SAMMSON: variants seen among roughly 807,000 people sequenced by gnomAD.
The protein encoded by SAMMSON is survival associated mitochondrial melanoma specific oncogenic non-coding RNA.
intron 7 of SAMMSON, among the ~76,000 whole-genome samples, chr3:70,322,679 A>C (rs565658806): frequency 6.6e-6 from 1 of 152,268 alleles, no homozygotes; most frequent in African/African-American, 2.4e-5. Flanking sequence ...CCAAAAAGAA[A>C]TTCTAACATT....
At chr3:70,326,187 C>A (rs1464173693) in intron 7 of SAMMSON, among the ~76,000 whole-genome samples, 2 of 151,964 alleles carry the variant, frequency 1.3e-5, no homozygotes, top group Non-Finnish European at 2.9e-5. Flanking sequence ...TTCTGCCATT[C>A]TTTCTGTCTT....
intron 3 of SAMMSON, among the ~76,000 whole-genome samples, chr3:70,036,672 C>T (rs905659822): frequency 3.3e-5 from 5 of 152,078 alleles, no homozygotes; most frequent in Non-Finnish European, 1.5e-5. Flanking sequence ...ATAATGAATT[C>T]AACCCATAGA....
chr3:70,015,783 A>T (rs1023601459), intron 3 of SAMMSON, among the ~76,000 whole-genome samples: 1 of 152,028 alleles, frequency 6.6e-6, no homozygotes. Flanking sequence ...CTCATTGTTC[A>T]ATTCCCACCT....
intron 1 of SAMMSON, among the ~76,000 whole-genome samples, chr3:70,007,455 A>G (rs1005205721): frequency 2.6e-5 from 4 of 152,064 alleles, no homozygotes; most frequent in African/African-American, 9.7e-5. Flanking sequence ...TCTTTTGAGA[A>G]GTGTCTGTTC....
chr3:70,166,400 G>A (rs1276752690), intron 4 of SAMMSON, among the ~76,000 whole-genome samples: 1 of 151,980 alleles, frequency 6.6e-6, no homozygotes, highest in Non-Finnish European at 1.5e-5. Flanking sequence ...TTACCCCTGG[G>A]CAATTTTGCT....
At chr3:70,320,342 C>T (rs374613400) in intron 7 of SAMMSON, among the ~76,000 whole-genome samples, 1 of 151,922 alleles carries the variant, frequency 6.6e-6, no homozygotes, top group African/African-American at 2.4e-5. Flanking sequence ...TACCCAGGAG[C>T]AAAGCAAGGG....
At chr3:70,029,224 C>A (rs1392306381) in intron 3 of SAMMSON, among the ~76,000 whole-genome samples, 1 of 143,580 alleles carries the variant, frequency 7.0e-6, no homozygotes, top group Non-Finnish European at 1.5e-5. Context: ...TTCTTTTCAG[C>A]CAGACACATA....
chr3:70,025,659 C>T (rs899580983), intron 3 of SAMMSON, among the ~76,000 whole-genome samples: 4 of 152,152 alleles, frequency 2.6e-5, no homozygotes, highest in African/African-American at 9.7e-5. Flanking sequence ...GAGTTTGGGG[C>T]ACCAATCCCA....
At chr3:70,126,157 T>A in intron 4 of SAMMSON, 1 of 1,226,838 alleles carries the variant, frequency 8.2e-7, no homozygotes, top group Non-Finnish European at 1.2e-6. Flanking sequence ...GAGGCATGAA[T>A]TAAGAAAAGT....
chr3:70,111,166 GGT>G (rs2067387265), intron 4 of SAMMSON, among the ~76,000 whole-genome samples: 1 of 152,128 alleles, frequency 6.6e-6, no homozygotes, highest in African/African-American at 2.4e-5. Flanking sequence ...ATAATGACAT[GGT>G]GTTGGGATGT....
In SAMMSON at chr3:70,280,546, T is replaced by C. The variant is rs571675616; in HGVS notation, n.675-10633T>C. Among the ~76,000 whole-genome samples, 3 of 152,240 alleles carry C rather than the reference T, an allele frequency of 2.0e-5. 1 individual carries two copies. The highest frequency in any genetic ancestry group is 7.2e-5 in the African/African-American group (3 of 41,544). ...AGCATTATCTCTACTTTTGCCTGTATTGAATGTTGGGACTCAGAAAACGAT... is the reference window on the plus strand; with the variant it reads ...AGCATTATCTCTACTTTTGCCTGTACTGAATGTTGGGACTCAGAAAACGAT... On this transcript the variant is annotated intron_variant and non_coding_transcript_variant, in intron 6 of 9. Transcript: ENST00000642114.
At chr3:70,036,324 G>C (rs988860413) in intron 3 of SAMMSON, among the ~76,000 whole-genome samples, 1 of 152,178 alleles carries the variant, frequency 6.6e-6, no homozygotes, top group East Asian at 1.9e-4. Flanking sequence ...ATTTCTTGGC[G>C]ACCCAACATC....
chr3:70,141,183 A>G (rs2067526259), intron 4 of SAMMSON, among the ~76,000 whole-genome samples: 1 of 152,186 alleles, frequency 6.6e-6, no homozygotes, highest in Non-Finnish European at 1.5e-5. Flanking sequence ...CCAGAGAAAA[A>G]GAACTAATAA....
intron 3 of SAMMSON, among the ~76,000 whole-genome samples, chr3:70,028,575 A>G (rs1335275739): frequency 6.6e-6 from 1 of 152,208 alleles, no homozygotes; most frequent in African/African-American, 2.4e-5. Flanking sequence ...AGTTGGAAAA[A>G]AATCCCTAAA....
intron 4 of SAMMSON, among the ~76,000 whole-genome samples, chr3:70,201,667 T>A (rs1251092015): frequency 6.6e-6 from 1 of 152,054 alleles, no homozygotes; most frequent in Non-Finnish European, 1.5e-5. Context: ...TCCTCCACAG[T>A]TTTTAACTAG....
At chr3:70,269,363 GGA>G (rs1701953116) in intron 6 of SAMMSON, among the ~76,000 whole-genome samples, 6 of 152,122 alleles carry the variant, frequency 3.9e-5, no homozygotes, top group Non-Finnish European at 8.8e-5. Flanking sequence ...TAACCTGTCT[GGA>G]TACATAGACA....
At chr3:70,199,923 A>G (rs1701221899) in intron 4 of SAMMSON, among the ~76,000 whole-genome samples, 1 of 152,058 alleles carries the variant, frequency 6.6e-6, no homozygotes, top group Admixed American at 6.6e-5. Context: ...ACCAAGGCCA[A>G]ACTGCATTTT....
downstream of SAMMSON, among the ~76,000 whole-genome samples, chr3:70,391,923 T>G (rs1701052300): frequency 6.6e-6 from 1 of 152,152 alleles, no homozygotes; most frequent in East Asian, 1.9e-4. Context: ...TTTACAAGAT[T>G]TGTTGCTTGA....
In SAMMSON at chr3:70,296,993, A is replaced by C. The variant is rs369316699; in HGVS notation, n.739+5750A>C. Among the ~76,000 whole-genome samples the C allele has an allele frequency of 1.8e-3, 274 of 151,782 alleles. 1 individual carries two copies. Among genetic ancestry groups the C allele is most frequent in the African/African-American group, 6.4e-3 (263 of 41,396 alleles). On this transcript the variant is annotated intron_variant and non_coding_transcript_variant, in intron 7 of 9. Coordinates refer to ENST00000642114, the Ensembl canonical transcript of SAMMSON. ...TGATCTAATATCCCCATGCTCCCCA[A>C]CCGCCTCCCCCACCACACATACGCA... is the stretch of plus-strand genomic sequence containing the variant.
Sources: allele counts gnomAD v4.1 joint callset (sites outside exome capture counted in the v4.1 genomes callset), GRCh38; gene constraint gnomAD v4.1.1; transcripts MANE v1.5; gene names NCBI Gene and HGNC (gene_info 2026-07-23, HGNC 2026-07-21).